Variants in CACNA2D3 observed in about 807,000 individuals in gnomAD.
CACNA2D3 encodes the protein calcium voltage-gated channel auxiliary subunit alpha2delta 3.
Under a neutral mutation model 160.6 loss-of-function variants are expected in CACNA2D3, and 60 were observed. The ratio of observed to expected loss-of-function variants is 0.37; its 90% confidence interval spans 0.30 to 0.46. CACNA2D3 has a LOEUF of 0.46. CACNA2D3 is among the 20% of genes least tolerant of loss of function. The pLI, the probability that CACNA2D3 is intolerant of heterozygous loss-of-function variation, is 1.00. For missense variants in CACNA2D3, 1,205 were observed against 1,365.0 expected (o/e 0.88, Z 1.85); for synonymous variants, 558 against 492.9 (o/e 1.13, Z -1.75).
intron 13 of CACNA2D3, among the ~76,000 whole-genome samples, chr3:54,805,752 A>C (rs1703105282): frequency 6.6e-6 from 1 of 152,238 alleles, no homozygotes; most frequent in South Asian, 2.1e-4. Context: ...ACAACCAAAA[A>C]AGAGAATTTT....
intron 3 of CACNA2D3, among the ~76,000 whole-genome samples, chr3:54,332,053 ATC>A (rs1704278497): frequency 6.6e-6 from 1 of 152,208 alleles, no homozygotes; most frequent in African/African-American, 2.4e-5. Context: ...TGTGGCACTT[ATC>A]TCTCTGCGCA....
At chr3:54,522,459 G>A (rs1701660350) in intron 5 of CACNA2D3, among the ~76,000 whole-genome samples, 1 of 152,264 alleles carries the variant, frequency 6.6e-6, no homozygotes, top group African/African-American at 2.4e-5. Flanking sequence ...ACAAGCTTAT[G>A]TAATTTGTGA....
At chr3:54,593,082 A>T (rs1187542982) in intron 9 of CACNA2D3, among the ~76,000 whole-genome samples, 2 of 152,218 alleles carry the variant, frequency 1.3e-5, no homozygotes, top group Non-Finnish European at 1.5e-5. Context: ...TGCAGAGAGA[A>T]CAAATACCCA....
chr3:54,360,839 A>G (rs904648714), intron 3 of CACNA2D3, among the ~76,000 whole-genome samples: 2 of 152,188 alleles, frequency 1.3e-5, no homozygotes, highest in African/African-American at 4.8e-5. Context: ...CAGAAGACAG[A>G]TTTATATGGT....
intron 2 of CACNA2D3, among the ~76,000 whole-genome samples, chr3:54,281,548 A>C (rs1267622444): frequency 3.3e-5 from 5 of 152,108 alleles, no homozygotes; most frequent in Non-Finnish European, 1.5e-5. Context: ...TCATTCCTTA[A>C]ACTGCTGAGC....
intron 14 of CACNA2D3, among the ~76,000 whole-genome samples, chr3:54,824,752 G>T (rs888649072): frequency 8.5e-5 from 13 of 152,094 alleles, no homozygotes; most frequent in Admixed American, 2.6e-4. Context: ...ACCTGCTCAG[G>T]GCCCATCCAC....
intron 27 of CACNA2D3, among the ~76,000 whole-genome samples, chr3:54,916,273 C>T (rs1353437581): frequency 6.6e-6 from 1 of 152,118 alleles, no homozygotes; most frequent in Non-Finnish European, 1.5e-5. Context: ...ACGTATAATT[C>T]CTTTCTCACA....
intron 11 of CACNA2D3, among the ~76,000 whole-genome samples, chr3:54,729,956 A>C (rs1388514818): frequency 1.3e-5 from 2 of 148,260 alleles, no homozygotes; most frequent in African/African-American, 5.0e-5. Context: ...CTGAGATCAC[A>C]CCACTGCACT....
At chr3:54,803,137 C>T (rs533677099) in intron 13 of CACNA2D3, among the ~76,000 whole-genome samples, 1 of 152,308 alleles carries the variant, frequency 6.6e-6, no homozygotes, top group African/African-American at 2.4e-5. Context: ...AAAGGAAACT[C>T]TAAAAAGCAG....
At chr3:54,441,359 G>T (rs755911173) in intron 4 of CACNA2D3, among the ~76,000 whole-genome samples, 205 of 151,924 alleles carry the variant, frequency 1.3e-3, no homozygotes, top group African/African-American at 4.5e-3. Flanking sequence ...GTAAATTTTT[G>T]GAGTTCATTG....
In CACNA2D3 at chr3:54,689,010, A is replaced by AAAG. The variant is rs1553785965; in HGVS notation, c.1167+46770_1167+46771insAGA. On this transcript the variant is annotated intron_variant, in intron 11 of 37. Coordinates refer to ENST00000474759, the MANE Select transcript of CACNA2D3 (RefSeq NM_018398.3). Reference sequence around the variant, plus strand: ...AAAAAAAAAAAAAAAAAAAAAAAAAAAGAATGAGGTTGTATACATAAAGCA... The same window carrying AAAG: ...AAAAAAAAAAAAAAAAAAAAAAAAAAAAGAGAATGAGGTTGTATACATAAAGCA... Among the ~76,000 whole-genome samples the AAAG allele has an allele frequency of 1.4e-4, 12 of 85,494 alleles. 2 individuals are homozygous for AAAG. The highest frequency in any genetic ancestry group is 1.7e-4 in the African/African-American group (4 of 23,016). The allele number at this position is 85,494 out of a possible 152,430, so 56.1% of individuals were successfully genotyped here.
intron 11 of CACNA2D3, among the ~76,000 whole-genome samples, chr3:54,690,670 G>A (rs1190020612): frequency 6.6e-6 from 1 of 152,146 alleles, no homozygotes; most frequent in African/African-American, 2.4e-5. Context: ...TTTGATAACA[G>A]AATTGTATCT....
chr3:55,028,731 T>C (rs1004954138), intron 35 of CACNA2D3, among the ~76,000 whole-genome samples: 1 of 152,248 alleles, frequency 6.6e-6, no homozygotes, highest in Non-Finnish European at 1.5e-5. Context: ...AAAATATTAA[T>C]TTCTAAGGTA....
intron 11 of CACNA2D3, among the ~76,000 whole-genome samples, chr3:54,702,883 G>C (rs1278318155): frequency 6.6e-6 from 1 of 152,202 alleles, no homozygotes; most frequent in Non-Finnish European, 1.5e-5. Flanking sequence ...ACACATCATG[G>C]AATACTACAT....
chr3:54,990,109 G>A (rs2107112891), intron 31 of CACNA2D3, among the ~76,000 whole-genome samples: 1 of 152,312 alleles, frequency 6.6e-6, no homozygotes, highest in Non-Finnish European at 1.5e-5. Flanking sequence ...GCGTTGCTCT[G>A]GTGCTGTGGT....
chr3:54,183,081 C>T (rs1246058966), intron 2 of CACNA2D3, among the ~76,000 whole-genome samples: 1 of 152,094 alleles, frequency 6.6e-6, no homozygotes, highest in Non-Finnish European at 1.5e-5. Context: ...ACCTCATTCC[C>T]CCCCCAAAAT....
intron 27 of CACNA2D3, chr3:54,918,306 T>G (rs1700713240): frequency 3.9e-6 from 3 of 776,364 alleles, no homozygotes; most frequent in Non-Finnish European, 6.1e-6. Flanking sequence ...CCAGAAATAT[T>G]TTTTACAGAC....
At chr3:54,272,573 G>C (rs531343405) in intron 2 of CACNA2D3, among the ~76,000 whole-genome samples, 1 of 152,142 alleles carries the variant, frequency 6.6e-6, no homozygotes, top group African/African-American at 2.4e-5. Context: ...TCCCAGGGAT[G>C]AGTGATGAGG....
intron 27 of CACNA2D3, among the ~76,000 whole-genome samples, chr3:54,954,671 T>C (rs1321688513): frequency 1.3e-5 from 2 of 152,116 alleles, no homozygotes; most frequent in African/African-American, 4.8e-5. Flanking sequence ...GTTCCCCTGT[T>C]TTTCTTCCTG....
Sources: gnomAD v4.1 joint callset for allele counts (sites outside exome capture counted in the v4.1 genomes callset) on GRCh38, gnomAD v4.1.1 for gene constraint, MANE v1.5 for transcripts, NCBI Gene and HGNC (gene_info 2026-07-23, HGNC 2026-07-21) for gene names.